Variants in KCNB2 observed in about 807,000 individuals in gnomAD.
KCNB2 encodes the protein delayed rectifier potassium channel protein.
KCNB2 carries 15 observed loss-of-function variants against 61.5 expected under a neutral mutation model. The observed-to-expected ratio is 0.24, with a 90% CI of 0.16 to 0.38. The LOEUF is 0.38. Among genes scored for constraint, KCNB2 ranks in the 10% least tolerant of loss-of-function variants. The probability of loss-of-function intolerance (pLI) is 1.00; values close to 1 mark genes in which losing one functional copy is unlikely to be tolerated. For synonymous variants in KCNB2, 457 were observed against 446.0 expected, an observed-to-expected ratio of 1.02 and a Z score of -0.31; for missense variants, 828 against 1,125.2, an observed-to-expected ratio of 0.74 and a Z score of 3.78.
At chr8:72,915,551 A>G (rs1806382271) in intron 2 of KCNB2, among the ~76,000 whole-genome samples, 1 of 152,114 alleles carries the variant, frequency 6.6e-6, no homozygotes, top group Non-Finnish European at 1.5e-5. Flanking sequence ...ACAGACATAG[A>G]ATATTAGAAC....
chr8:72,619,430 T>A, intron 2 of KCNB2: 1 of 352,230 alleles, frequency 2.8e-6, no homozygotes, highest in South Asian at 3.1e-5. Flanking sequence ...TGGAGCTTGT[T>A]GCATTCTAAA....
chr8:72,679,742 C>T (rs991967345), intron 2 of KCNB2, among the ~76,000 whole-genome samples: 4 of 152,134 alleles, frequency 2.6e-5, no homozygotes, highest in Admixed American at 6.6e-5. Flanking sequence ...GCCCCTGAGA[C>T]CTGGCATCAG....
intron 2 of KCNB2, among the ~76,000 whole-genome samples, chr8:72,656,057 G>T (rs1181267463): frequency 6.6e-6 from 1 of 152,120 alleles, no homozygotes; most frequent in Non-Finnish European, 1.5e-5. Context: ...AGAAAAACCA[G>T]TGCATGCCAA....
At chr8:72,569,392 C>T (rs1228017891) in intron 2 of KCNB2, among the ~76,000 whole-genome samples, 1 of 152,084 alleles carries the variant, frequency 6.6e-6, no homozygotes, top group Non-Finnish European at 1.5e-5. Context: ...AATTAAGATT[C>T]TACATGATAA....
intron 2 of KCNB2, among the ~76,000 whole-genome samples, chr8:72,787,098 G>T (rs987158440): frequency 6.6e-6 from 1 of 152,142 alleles, no homozygotes; most frequent in Non-Finnish European, 1.5e-5. Context: ...CTGACACAGG[G>T]AGTAAACTGT....
chr8:72,568,367 ACGTTC>A lies in KCNB2; in HGVS notation c.579+55_579+59del, dbSNP rs1428977930. 7 of 1,435,884 alleles carry A rather than the reference ACGTTC, an allele frequency of 4.9e-6. No homozygotes were observed. In the Admixed American group the frequency reaches 1.5e-4, roughly 30 times the overall value. The allele number at this position is 1,435,884 out of a possible 1,614,324, so 88.9% of individuals were successfully genotyped here. A position where few individuals can be genotyped will look rare whatever the true frequency, so the allele number is the denominator to read the frequency against. ...TGTGTGGTCAGAAAAGATGCTACCT[ACGTTC>A]TAGAGAGTATAAGTTTTTTTACTGT... On this transcript the variant is annotated intron_variant, in intron 2 of 2. Coordinates refer to ENST00000523207, the MANE Select transcript of KCNB2 (RefSeq NM_004770.3).
intron 2 of KCNB2, among the ~76,000 whole-genome samples, chr8:72,848,312 T>G (rs1016637544): frequency 3.9e-5 from 6 of 152,208 alleles, no homozygotes; most frequent in African/African-American, 9.6e-5. Flanking sequence ...ATTGTTGGCT[T>G]TGGTTTCCAA....
intron 2 of KCNB2, among the ~76,000 whole-genome samples, chr8:72,703,614 A>G (rs1807169981): frequency 6.6e-6 from 1 of 152,166 alleles, no homozygotes; most frequent in Admixed American, 6.5e-5. Context: ...TGCTGGTTGC[A>G]TGTACTTTCA....
chr8:72,924,495 T>C (rs922821038), intron 2 of KCNB2, among the ~76,000 whole-genome samples: 3 of 152,218 alleles, frequency 2.0e-5, no homozygotes, highest in Non-Finnish European at 4.4e-5. Context: ...CCTGAGATTC[T>C]GCATTTCTAA....
At chr8:72,855,756 G>A (rs955187570) in intron 2 of KCNB2, among the ~76,000 whole-genome samples, 2 of 152,046 alleles carry the variant, frequency 1.3e-5, no homozygotes, top group African/African-American at 2.4e-5. Context: ...AACTGTCCAG[G>A]AATCTAGACC....
intron 2 of KCNB2, among the ~76,000 whole-genome samples, chr8:72,780,254 A>AT (rs1484605838): frequency 5.3e-5 from 8 of 152,190 alleles, no homozygotes; most frequent in Non-Finnish European, 1.2e-4. Flanking sequence ...GAAGACCAAG[A>AT]TATCTGCAAG....
chr8:72,686,514 G>A (rs1806856218), intron 2 of KCNB2, among the ~76,000 whole-genome samples: 1 of 151,984 alleles, frequency 6.6e-6, no homozygotes, highest in Non-Finnish European at 1.5e-5. Context: ...CACCTGGCCA[G>A]GCAATTTTCT....
intron 2 of KCNB2, among the ~76,000 whole-genome samples, chr8:72,674,238 T>C (rs1342250834): frequency 6.6e-6 from 1 of 152,250 alleles, no homozygotes; most frequent in Non-Finnish European, 1.5e-5. Context: ...ATGGTGATGA[T>C]AATATCTACC....
chr8:72,591,246 G>A (rs917974255), intron 2 of KCNB2, among the ~76,000 whole-genome samples: 2 of 152,084 alleles, frequency 1.3e-5, no homozygotes, highest in Non-Finnish European at 2.9e-5. Flanking sequence ...CCCTTAAGGC[G>A]CTGCGTAGCT....
chr8:72,579,577 ATCCGTGAACT>A (rs1806858901), intron 2 of KCNB2, among the ~76,000 whole-genome samples: 1 of 152,016 alleles, frequency 6.6e-6, no homozygotes, highest in Admixed American at 6.6e-5. Flanking sequence ...CCCTCCCTTA[ATCCGTGAACT>A]CGGGCTGTGC....
intron 2 of KCNB2, among the ~76,000 whole-genome samples, chr8:72,666,692 G>T (rs1806479402): frequency 6.9e-6 from 1 of 144,268 alleles, no homozygotes; most frequent in Non-Finnish European, 1.5e-5. Context: ...TGCTCTTGTC[G>T]CCCAGGCTGG....
intron 2 of KCNB2, among the ~76,000 whole-genome samples, chr8:72,848,846 TGAAAA>T (rs1810043904): frequency 6.6e-6 from 1 of 152,082 alleles, no homozygotes; most frequent in Admixed American, 6.6e-5. Flanking sequence ...TATACAGTAA[TGAAAA>T]GAACTCACCT....
chr8:72,901,743 G>T (rs978055892), intron 2 of KCNB2, among the ~76,000 whole-genome samples: 1 of 152,132 alleles, frequency 6.6e-6, no homozygotes, highest in African/African-American at 2.4e-5. Flanking sequence ...GCTGAGTCAA[G>T]GTATATGCAC....
intron 1 of KCNB2, among the ~76,000 whole-genome samples, chr8:72,554,149 C>T (rs554765628): frequency 2.6e-5 from 4 of 152,172 alleles, no homozygotes; most frequent in South Asian, 2.1e-4. Context: ...GCCTACAAAA[C>T]GCATGCTAGA....
Sources: allele counts gnomAD v4.1 joint callset (sites outside exome capture counted in the v4.1 genomes callset), GRCh38; gene constraint gnomAD v4.1.1; transcripts MANE v1.5; gene names NCBI Gene and HGNC (gene_info 2026-07-23, HGNC 2026-07-21).